The following PRMT9 variants were observed in gnomAD, a reference collection of about 807,000 sequenced individuals.
The protein encoded by PRMT9 is protein arginine methyltransferase 9, also known as protein arginine N-methyltransferase 9.
PRMT9 carries 59 observed loss-of-function variants against 83.2 expected under a neutral mutation model. The observed-to-expected ratio is 0.71, with a 90% confidence interval of 0.57 to 0.88. The LOEUF (loss-of-function observed/expected upper bound fraction) is 0.88. PRMT9 is among the 40% of genes least tolerant of loss of function. The probability of loss-of-function intolerance (pLI) is 0.00; values close to 1 mark genes in which losing one functional copy is unlikely to be tolerated. For missense variants in PRMT9, 947 were observed against 1,021.9 expected (o/e 0.93, Z 1.00); for synonymous variants, 333 against 353.2 (o/e 0.94, Z 0.64).
chr4:147,659,673 G>A (rs1734812425), intron 7 of PRMT9, among the ~76,000 whole-genome samples: 1 of 146,410 alleles, frequency 6.8e-6, no homozygotes, highest in African/African-American at 2.5e-5. Flanking sequence ...CGCCTCCTGG[G>A]TTCAAGCAAT....
intron 9 of PRMT9, among the ~76,000 whole-genome samples, chr4:147,648,210 G>T (rs1304174516): frequency 6.6e-6 from 1 of 152,102 alleles, no homozygotes; most frequent in Non-Finnish European, 1.5e-5. Context: ...CCCTAGGTTG[G>T]GGGCTAAAAG....
intron 9 of PRMT9, among the ~76,000 whole-genome samples, chr4:147,649,964 G>A (rs1578886179): frequency 6.6e-6 from 1 of 152,158 alleles, no homozygotes; most frequent in South Asian, 2.1e-4. Flanking sequence ...AAAAGCATTT[G>A]ACAAAAATCA....
chr4:147,653,236 G>A (rs1734236434), intron 9 of PRMT9, among the ~76,000 whole-genome samples: 1 of 151,612 alleles, frequency 6.6e-6, no homozygotes, highest in African/African-American at 2.4e-5. Context: ...ATCACTTGAG[G>A]TCAGGCGTTC....
intron 1 of PRMT9, among the ~76,000 whole-genome samples, chr4:147,680,955 T>C (rs570522628): frequency 1.3e-5 from 2 of 152,390 alleles, no homozygotes; most frequent in Admixed American, 6.5e-5. Flanking sequence ...TCTCCAGCCA[T>C]TGCAAATGTA....
chr4:147,670,747 T>C lies in PRMT9; in HGVS notation c.744-4A>G, dbSNP rs1448437887. On this transcript the variant is annotated splice_polypyrimidine_tract_variant and splice_region_variant and intron_variant, in intron 4 of 11. Transcript: ENST00000322396. ...TTCTGTTACAACTAGGGACACTCTA[T>C]AGAATGATTTTTTAAAGATATATGT... The C allele has an allele frequency of 1.9e-6, 3 of 1,576,286 alleles. No individual in the cohort carries two copies. Among genetic ancestry groups the C allele is most frequent in the South Asian group, 1.1e-5 (1 of 90,298 alleles).
At chr4:147,645,283 T>C (rs1733656916) in intron 9 of PRMT9, among the ~76,000 whole-genome samples, 2 of 152,050 alleles carry the variant, frequency 1.3e-5, no homozygotes, top group South Asian at 4.1e-4. Flanking sequence ...ACTAAACTGA[T>C]TATCTCAATT....
intron 6 of PRMT9, among the ~76,000 whole-genome samples, chr4:147,666,339 G>A (rs1218947736): frequency 6.6e-6 from 1 of 151,890 alleles, no homozygotes; most frequent in Non-Finnish European, 1.5e-5. Flanking sequence ...TCTGTGTTTT[G>A]CTTTGGAAGG....
chr4:147,660,789 T>C (rs919823907), intron 7 of PRMT9, 57 bp downstream of exon 7: 17 of 1,125,366 alleles, frequency 1.5e-5, no homozygotes, highest in African/African-American at 3.1e-5. Context: ...TCCTATATAT[T>C]ATTTTAAACA....
chr4:147,646,793 C>T (rs868581779), intron 9 of PRMT9, among the ~76,000 whole-genome samples: 1 of 152,068 alleles, frequency 6.6e-6, no homozygotes, highest in African/African-American at 2.4e-5. Context: ...AAAGCTCAGT[C>T]CCACATGAAT....
At chr4:147,663,725 C>T (rs929285008) in intron 6 of PRMT9, among the ~76,000 whole-genome samples, 3 of 152,212 alleles carry the variant, frequency 2.0e-5, no homozygotes, top group East Asian at 1.9e-4. Context: ...AAACTTCAAG[C>T]CATATGGTAA....
chr4:147,639,623 T>G (rs1338020435), intron 10 of PRMT9, among the ~76,000 whole-genome samples: 1 of 152,178 alleles, frequency 6.6e-6, no homozygotes, highest in South Asian at 2.1e-4. Context: ...CCAAACCATC[T>G]GGCATTAGGA....
intron 6 of PRMT9, among the ~76,000 whole-genome samples, chr4:147,663,383 G>C (rs1209756898): frequency 6.6e-6 from 1 of 151,906 alleles, no homozygotes; most frequent in Non-Finnish European, 1.5e-5. Flanking sequence ...TTGTGTGTGA[G>C]ACAAGGTCTC....
rs1214902988 is a variant in PRMT9, at chr4:147,654,349, C to G, written c.1548G>C (p.Gln516His). The G allele has an allele frequency of 6.2e-7, 1 of 1,614,104 alleles. No individual in the cohort carries two copies. Among genetic ancestry groups the G allele is most frequent in the Non-Finnish European group, 8.5e-7 (1 of 1,179,950 alleles). Residue 516 changes from glutamine (Q) to histidine (H), a missense_variant, in exon 9 of 12, where the codon CAG becomes CAC. Physicochemically the swap from Gln to His is conservative, Grantham distance 24. Transcript: ENST00000322396. ...LQTSKPDAVE[Q>H]TCILESTEIA... ...TTTCTGTAGATTCCAATATACATGT[C>G]TGCTCTACAGCATCTGGTTTACTGG...
chr4:147,673,167 A>C (rs1273128390), intron 3 of PRMT9, 41 bp from the exon 4 acceptor site: 1 of 1,589,620 alleles, frequency 6.3e-7, no homozygotes, highest in South Asian at 1.1e-5. Flanking sequence ...AAAATAATCT[A>C]CTGTATTTTC....
intron 6 of PRMT9, among the ~76,000 whole-genome samples, chr4:147,665,488 G>C (rs935699631): frequency 1.3e-5 from 2 of 152,166 alleles, no homozygotes; most frequent in Admixed American, 1.3e-4. Flanking sequence ...GCCAGTGGGA[G>C]AGTCTTCAAG....
chr4:147,683,671 G>A (rs1736650271), intron 1 of PRMT9, 128 bp downstream of exon 1: 1 of 866,122 alleles, frequency 1.2e-6, no homozygotes, highest in Middle Eastern at 3.5e-4. Flanking sequence ...AGAAAAAAGG[G>A]CCCTAAATAT....
At chr4:147,653,806 A>T in intron 9 of PRMT9, 46 bp downstream of exon 9, 1 of 1,336,444 alleles carries the variant, frequency 7.5e-7, no homozygotes. Context: ...ATAAAATCTG[A>T]CCTCAAAAAA....
In PRMT9 at chr4:147,638,952, G is replaced by A. The variant is rs1305181434; in HGVS notation, c.2322+8C>T. Reference sequence around the variant, plus strand: ...AACAAACGAAATCATTTTGCATGTTGTCCTTACCTTTACTTCTCTGTTAGA... The same window carrying A: ...AACAAACGAAATCATTTTGCATGTTATCCTTACCTTTACTTCTCTGTTAGA... On this transcript the variant is annotated splice_region_variant and intron_variant, in intron 11 of 11. Transcript: ENST00000322396. 1 of 1,609,370 alleles carries A rather than the reference G, an allele frequency of 6.2e-7. No individual in the cohort carries two copies. The highest frequency in any genetic ancestry group is 8.5e-7 in the Non-Finnish European group (1 of 1,176,036).
At chr4:147,664,114 CACAGCAAG>C (rs1344913360) in intron 6 of PRMT9, among the ~76,000 whole-genome samples, 1 of 152,114 alleles carries the variant, frequency 6.6e-6, no homozygotes, top group Admixed American at 6.5e-5. Context: ...AGGAGTTCAA[CACAGCAAG>C]ACAGCAAGAC....
Sources: allele counts gnomAD v4.1 joint callset (sites outside exome capture counted in the v4.1 genomes callset), GRCh38; gene constraint gnomAD v4.1.1; transcripts MANE v1.5; gene names NCBI Gene and HGNC (gene_info 2026-07-23, HGNC 2026-07-21).